TMEM116: variants seen among roughly 807,000 people sequenced by gnomAD.
The protein encoded by TMEM116 is transmembrane protein 116.
Under a neutral mutation model 44.3 loss-of-function variants are expected in TMEM116, and 38 were observed. The observed-to-expected ratio is 0.86, with a 90% CI of 0.66 to 1.12. The LOEUF (loss-of-function observed/expected upper bound fraction) is 1.12, where lower values mean the gene tolerates loss of function less well. TMEM116 is among the 50% of genes most tolerant of loss of function. The probability of loss-of-function intolerance (pLI) is 0.00; values close to 1 mark genes in which losing one functional copy is unlikely to be tolerated. For synonymous variants in TMEM116, 132 were observed against 144.8 expected (o/e 0.91, Z 0.64); for missense variants, 354 against 401.7 (o/e 0.88, Z 1.01).
chr12:112,005,141 T>C, intron 2 of TMEM116, 116 bp downstream of exon 2: 2 of 616,162 alleles, frequency 3.2e-6, no homozygotes, highest in Middle Eastern at 6.0e-4. Context: ...ATAAAGAATA[T>C]CATTTCTCTT....
chr12:111,943,202 G>A (rs1281162756), intron 5 of TMEM116, 63 bp downstream of exon 5: 2 of 1,294,218 alleles, frequency 1.5e-6, no homozygotes, highest in Non-Finnish European at 1.1e-6. Flanking sequence ...GGGATTACAG[G>A]TAGGAGTCAC....
intron 1 of TMEM116, chr12:112,011,490 C>G (rs1378222786): frequency 6.6e-6 from 1 of 152,204 alleles, no homozygotes; most frequent in South Asian, 2.1e-4. Context: ...AAGTCCCTTA[C>G]AATGCATTGT....
At chr12:111,983,751 A>G (rs2076076371) in intron 4 of TMEM116, among the ~76,000 whole-genome samples, 1 of 152,206 alleles carries the variant, frequency 6.6e-6, no homozygotes. Context: ...TCAAACACTT[A>G]GAGAATAACT....
chr12:111,947,185 T>G (rs965324807), intron 4 of TMEM116, among the ~76,000 whole-genome samples: 12 of 152,008 alleles, frequency 7.9e-5, no homozygotes, highest in African/African-American at 2.9e-4. Flanking sequence ...TTTTTTTTTT[T>G]TTTGCTTTTA....
At chr12:111,956,767 G>A (rs1271361524) in intron 4 of TMEM116, among the ~76,000 whole-genome samples, 4 of 152,260 alleles carry the variant, frequency 2.6e-5, no homozygotes, top group Admixed American at 1.3e-4. Context: ...TGCCAGCCTC[G>A]GCCTCCTGAA....
intron 4 of TMEM116, among the ~76,000 whole-genome samples, chr12:111,980,932 G>A (rs1005490069): frequency 6.6e-6 from 1 of 151,912 alleles, no homozygotes; most frequent in Non-Finnish European, 1.5e-5. Flanking sequence ...AAATTAACTG[G>A]GCGTGGTAGT....
At chr12:111,973,802 C>G (rs1439813873) in intron 4 of TMEM116, among the ~76,000 whole-genome samples, 1 of 151,714 alleles carries the variant, frequency 6.6e-6, no homozygotes, top group Non-Finnish European at 1.5e-5. Flanking sequence ...CACACACCTG[C>G]AATCCCAGCT....
chr12:111,985,503 A>C (rs1335989318), intron 4 of TMEM116, among the ~76,000 whole-genome samples: 1 of 152,252 alleles, frequency 6.6e-6, no homozygotes, highest in Non-Finnish European at 1.5e-5. Flanking sequence ...TGTATACTAA[A>C]AAGTATAAAA....
At chr12:111,960,542 T>G (rs1034711295) in intron 4 of TMEM116, among the ~76,000 whole-genome samples, 5 of 122,368 alleles carry the variant, frequency 4.1e-5, no homozygotes, top group Non-Finnish European at 8.6e-5. Context: ...ACCACACAAC[T>G]ACATGGAAAC....
chr12:111,939,658 A>T (rs1398408789), intron 5 of TMEM116, among the ~76,000 whole-genome samples: 2 of 136,830 alleles, frequency 1.5e-5, no homozygotes, highest in African/African-American at 2.7e-5. Flanking sequence ...AACTACAATT[A>T]AAAAAAAAAA....
At chr12:112,006,548 C>A (rs918932609) in intron 1 of TMEM116, among the ~76,000 whole-genome samples, 3 of 152,204 alleles carry the variant, frequency 2.0e-5, no homozygotes, top group African/African-American at 7.2e-5. Flanking sequence ...TTCATTAATA[C>A]ACTGATGCTT....
At chr12:111,951,309 T>C (rs1421053163) in intron 4 of TMEM116, among the ~76,000 whole-genome samples, 1 of 152,232 alleles carries the variant, frequency 6.6e-6, no homozygotes, top group African/African-American at 2.4e-5. Context: ...AGCAATCCCA[T>C]TACTGGGTAT....
intron 4 of TMEM116, among the ~76,000 whole-genome samples, chr12:111,956,278 C>A (rs995808661): frequency 6.6e-6 from 1 of 152,172 alleles, no homozygotes; most frequent in Non-Finnish European, 1.5e-5. Context: ...AAATCTCATT[C>A]TAATTTGTAT....
chr12:111,969,865 C>T (rs1032852535), intron 4 of TMEM116, among the ~76,000 whole-genome samples: 1 of 152,108 alleles, frequency 6.6e-6, no homozygotes. Context: ...CAGGTGTGAG[C>T]CACTGCGCCT....
At position 111,931,528 on chromosome 12, in the gene TMEM116, G is replaced by T; in HGVS notation, c.*93C>A. The T allele has an allele frequency of 7.8e-7, 1 of 1,273,946 alleles. No homozygotes were observed. The highest frequency in any genetic ancestry group is 1.1e-6 in the Non-Finnish European group (1 of 890,956). 78.9% of individuals were successfully genotyped at this position (1,273,946 alleles called of 1,614,324 possible). On this transcript the variant is annotated 3_prime_UTR_variant, in exon 11 of 11. Transcript: ENST00000552374. The stretch of plus-strand genomic sequence containing the variant: ...TTTGAGTTCTGCAGTTTAGGGCATA[G>T]TTAGAAAAGATTTAAGATGTCCTTT...
intron 1 of TMEM116, chr12:112,010,447 T>G (rs1275867946): frequency 6.6e-6 from 1 of 152,248 alleles, no homozygotes; most frequent in Non-Finnish European, 1.5e-5. Context: ...AGATGAACTT[T>G]ATTGAGTGTT....
intron 4 of TMEM116, among the ~76,000 whole-genome samples, chr12:111,974,819 A>G (rs2075573980): frequency 6.6e-6 from 1 of 152,126 alleles, no homozygotes; most frequent in African/African-American, 2.4e-5. Flanking sequence ...GTTGCAGGAT[A>G]CAAGACCAAT....
At chr12:111,937,494 G>C (rs1282182176) in intron 6 of TMEM116, among the ~76,000 whole-genome samples, 1 of 152,170 alleles carries the variant, frequency 6.6e-6, no homozygotes, top group African/African-American at 2.4e-5. Flanking sequence ...GTTTCACAGA[G>C]AATCTCTGGT....
chr12:111,938,024 T>C (rs1056527701), intron 6 of TMEM116, 137 bp downstream of exon 6: 11 of 479,350 alleles, frequency 2.3e-5, no homozygotes, highest in Middle Eastern at 6.0e-4. Flanking sequence ...TGAACACGTA[T>C]TTGTTGTTTC....
Sources: gnomAD v4.1 joint callset for allele counts (sites outside exome capture counted in the v4.1 genomes callset) on GRCh38, gnomAD v4.1.1 for gene constraint, MANE v1.5 for transcripts, NCBI Gene and HGNC (gene_info 2026-07-23, HGNC 2026-07-21) for gene names.